The following CSMD3 variants were observed in gnomAD, a reference collection of about 807,000 sequenced individuals.
CSMD3 encodes the protein CUB and Sushi multiple domains 3.
A neutral mutation model predicts 435.2 loss-of-function variants in CSMD3; 177 were observed. That is an observed-to-expected ratio of 0.41 (90% confidence interval 0.36 to 0.46). The LOEUF is 0.46. CSMD3 is among the 20% of genes least tolerant of loss of function. The pLI is 0.34. For synonymous variants in CSMD3, 1,656 were observed against 1,520.5 expected (o/e 1.09, Z -2.07); for missense variants, 4,265 against 4,504.6 (o/e 0.95, Z 1.52).
chr8:112,965,134 T>C (rs2084369193), intron 7 of CSMD3, among the ~76,000 whole-genome samples: 1 of 151,970 alleles, frequency 6.6e-6, no homozygotes, highest in Non-Finnish European at 1.5e-5. Context: ...GGAGTCTGCT[T>C]TGGCATCAGC....
chr8:112,295,528 T>G (rs1329592138), intron 54 of CSMD3, among the ~76,000 whole-genome samples: 1 of 152,000 alleles, frequency 6.6e-6, no homozygotes, highest in Non-Finnish European at 1.5e-5. Context: ...TAAACCCTTA[T>G]AATTACAAAT....
intron 2 of CSMD3, among the ~76,000 whole-genome samples, chr8:113,285,446 A>G (rs996135630): frequency 2.0e-5 from 3 of 152,018 alleles, no homozygotes; most frequent in African/African-American, 4.8e-5. Context: ...TTTTTAGTAG[A>G]GACGGGGTTT....
At chr8:112,428,866 T>C (rs1270932048) in intron 32 of CSMD3, among the ~76,000 whole-genome samples, 1 of 152,108 alleles carries the variant, frequency 6.6e-6, no homozygotes, top group Non-Finnish European at 1.5e-5. Flanking sequence ...CCCATTCTGA[T>C]CTGCATGTGT....
intron 6 of CSMD3, among the ~76,000 whole-genome samples, chr8:112,999,448 A>G (rs1400939677): frequency 6.6e-6 from 1 of 151,860 alleles, no homozygotes; most frequent in African/African-American, 2.4e-5. Flanking sequence ...GTGGGGAGGC[A>G]AGGAATGAAG....
At chr8:113,182,630 C>T (rs1432482289) in intron 3 of CSMD3, among the ~76,000 whole-genome samples, 1 of 152,028 alleles carries the variant, frequency 6.6e-6, no homozygotes, top group African/African-American at 2.4e-5. Context: ...ATGTGACTCT[C>T]TCATTGCTCT....
chr8:112,442,048 A>G (rs1815083581), intron 32 of CSMD3, among the ~76,000 whole-genome samples: 1 of 152,214 alleles, frequency 6.6e-6, no homozygotes, highest in Non-Finnish European at 1.5e-5. Flanking sequence ...TATTTGGCTC[A>G]TGGATCTGTA....
chr8:112,451,010 T>C (rs1816200628), intron 32 of CSMD3, among the ~76,000 whole-genome samples: 1 of 152,172 alleles, frequency 6.6e-6, no homozygotes, highest in African/African-American at 2.4e-5. Flanking sequence ...TCTAGCATTA[T>C]AGAAATGGTT....
chr8:113,181,751 A>G (rs926780342), intron 3 of CSMD3, among the ~76,000 whole-genome samples: 4 of 152,146 alleles, frequency 2.6e-5, no homozygotes, highest in Middle Eastern at 6.8e-3. Flanking sequence ...TACAAATACA[A>G]AAAGGAGGCA....
rs1563913664 is a variant in CSMD3, at chr8:112,410,712, A to ATGTG, written c.5396-1681_5396-1680insCACA. 8.9e-4 allele frequency among the ~76,000 whole-genome samples: 120 copies of ATGTG among 134,732 alleles called. 5 individuals carry two copies. Among genetic ancestry groups the ATGTG allele is most frequent in the Non-Finnish European group, 1.4e-3 (88 of 62,834 alleles). 88.4% of individuals were successfully genotyped at this position (134,732 alleles called of 152,430 possible). A position where few individuals can be genotyped will look rare whatever the true frequency, so the allele number is the denominator to read the frequency against. On this transcript the variant is annotated intron_variant, in intron 32 of 70. Coordinates refer to ENST00000297405, the MANE Select transcript of CSMD3 (RefSeq NM_198123.2). ...TGTATATATATATGTGTATATATAT[A>ATGTG]TATGTATATATATAGGAAAGGTTTT...
chr8:112,946,926 CTATTTT>C (rs1404465982), intron 9 of CSMD3, among the ~76,000 whole-genome samples: 1 of 151,508 alleles, frequency 6.6e-6, no homozygotes, highest in African/African-American at 2.4e-5. Flanking sequence ...ATTCTAAGAA[CTATTTT>C]TTTCTTCATA....
chr8:112,747,990 G>A (rs112899582), intron 13 of CSMD3, among the ~76,000 whole-genome samples: 2,188 of 144,074 alleles, frequency 0.015, 34 homozygotes, highest in Middle Eastern at 0.043. Flanking sequence ...AAAAAAACAG[G>A]CATCAGGCCA....
chr8:112,272,127 T>A (rs538493292), intron 59 of CSMD3, among the ~76,000 whole-genome samples: 1 of 152,192 alleles, frequency 6.6e-6, no homozygotes, highest in African/African-American at 2.4e-5. Context: ...CAGGATCTGC[T>A]AGCACCTTGA....
At chr8:112,573,771 C>T in intron 23 of CSMD3, 114 bp from the exon 24 acceptor site, 1 of 827,036 alleles carries the variant, frequency 1.2e-6, no homozygotes, top group Non-Finnish European at 1.9e-6. Context: ...CAGATCAGTA[C>T]ATTTCCAAAG....
intron 13 of CSMD3, among the ~76,000 whole-genome samples, chr8:112,698,461 T>TA (rs35132938): frequency 6.6e-6 from 1 of 151,704 alleles, no homozygotes; most frequent in African/African-American, 2.4e-5. Flanking sequence ...AGTACCCAGA[T>TA]TTGGTTTCTA....
At chr8:112,889,340 G>T (rs950970464) in intron 10 of CSMD3, among the ~76,000 whole-genome samples, 1 of 151,656 alleles carries the variant, frequency 6.6e-6, no homozygotes, top group Admixed American at 6.6e-5. Context: ...CCTTTCAGCA[G>T]CCAAGTCTGG....
At chr8:112,291,470 A>G in intron 56 of CSMD3, 40 bp downstream of exon 56, 2 of 1,334,294 alleles carry the variant, frequency 1.5e-6, no homozygotes, top group Non-Finnish European at 2.2e-6. Flanking sequence ...TATGGTTTCC[A>G]TGACATGTTC....
intron 20 of CSMD3, 65 bp downstream of exon 20, chr8:112,645,044 A>G: frequency 1.2e-6 from 1 of 868,652 alleles, no homozygotes; most frequent in Non-Finnish European, 2.0e-6. Flanking sequence ...AAGGAAAGTG[A>G]AATAAGAATA....
At chr8:113,295,354 A>T (rs537331777) in intron 2 of CSMD3, among the ~76,000 whole-genome samples, 3 of 152,292 alleles carry the variant, frequency 2.0e-5, no homozygotes, top group East Asian at 3.9e-4. Context: ...TCTTTCTACT[A>T]ATTTAACACT....
rs374960254 is a variant in CSMD3, at chr8:112,332,855, T to A, written c.7165+2474A>T. Reference sequence around the variant, plus strand: ...CAGGCATTATGCTACCTGTATATTATCAATTATCTCCAATTCTCAAAACGT... The same window carrying A: ...CAGGCATTATGCTACCTGTATATTAACAATTATCTCCAATTCTCAAAACGT... On this transcript the variant is annotated intron_variant, in intron 45 of 70. Transcript: ENST00000297405. 4.6e-4 allele frequency among the ~76,000 whole-genome samples: 70 copies of A among 152,272 alleles called. No homozygotes were observed. In the East Asian group the frequency reaches 8.3e-3, roughly 18 times the overall value.
Sources: gnomAD v4.1 joint callset for allele counts (sites outside exome capture counted in the v4.1 genomes callset) on GRCh38, gnomAD v4.1.1 for gene constraint, MANE v1.5 for transcripts, NCBI Gene and HGNC (gene_info 2026-07-23, HGNC 2026-07-21) for gene names.